The following ZNF521 variants were observed in gnomAD, a reference collection of about 807,000 sequenced individuals.
ZNF521 encodes the protein zinc finger protein 521, also known as LYST-interacting protein 3.
Under a neutral mutation model 105.5 loss-of-function variants are expected in ZNF521, and 14 were observed. The ratio of observed to expected loss-of-function variants is 0.13; its 90% CI spans 0.09 to 0.21. The LOEUF is 0.21. Among genes scored for constraint, ZNF521 ranks in the 10% least tolerant of loss-of-function variants. The pLI is 1.00. For missense variants in ZNF521, 1,233 were observed against 1,629.7 expected (o/e 0.76, Z 4.19); for synonymous variants, 635 against 606.0 (o/e 1.05, Z -0.70).
intron 2 of ZNF521, among the ~76,000 whole-genome samples, chr18:25,329,085 T>A (rs1002644617): frequency 8.5e-5 from 13 of 152,200 alleles, no homozygotes; most frequent in Admixed American, 6.5e-4. Context: ...TAACAGCCAG[T>A]TGATCAAGGC....
chr18:25,218,003 G>C (rs1485513143), intron 4 of ZNF521, among the ~76,000 whole-genome samples: 1 of 152,152 alleles, frequency 6.6e-6, no homozygotes, highest in Non-Finnish European at 1.5e-5. Context: ...GCCTCAGTAA[G>C]ACACAGAGAC....
chr18:25,095,585 G>T (rs181191152), intron 5 of ZNF521, among the ~76,000 whole-genome samples: 1 of 152,164 alleles, frequency 6.6e-6, no homozygotes, highest in Non-Finnish European at 1.5e-5. Flanking sequence ...AGCACAATTT[G>T]CCTTGTAGGG....
chr18:25,315,371 T>C (rs192988947), intron 3 of ZNF521, among the ~76,000 whole-genome samples: 30 of 152,260 alleles, frequency 2.0e-4, no homozygotes, highest in African/African-American at 7.2e-4. Flanking sequence ...TCCAGGAAAA[T>C]TGCACCATGA....
chr18:25,125,066 T>C lies in ZNF521; in HGVS notation c.3659-32985A>G, dbSNP rs115330724. Among the ~76,000 whole-genome samples, 900 of 152,204 alleles carry C rather than the reference T, an allele frequency of 5.9e-3. 8 individuals are homozygous for C. Among genetic ancestry groups the C allele is most frequent in the African/African-American group, 0.02 (848 of 41,530 alleles). On this transcript the variant is annotated intron_variant, in intron 5 of 7. Coordinates refer to ENST00000361524, the MANE Select transcript of ZNF521 (RefSeq NM_015461.3). ...ATATTATGTGTCTACTACAAGTACC[T>C]CAAAGAGTATGCATGGATCCGATAG...
chr18:25,248,686 G>A (rs1403727843), intron 3 of ZNF521, among the ~76,000 whole-genome samples: 2 of 152,142 alleles, frequency 1.3e-5, no homozygotes, highest in Non-Finnish European at 2.9e-5. Context: ...TAATAACAGT[G>A]TAAATATGTA....
intron 2 of ZNF521, among the ~76,000 whole-genome samples, chr18:25,349,990 G>A (rs928638990): frequency 6.6e-6 from 1 of 151,488 alleles, no homozygotes; most frequent in Non-Finnish European, 1.5e-5. Flanking sequence ...TCGGCCGCCC[G>A]CCCCCGATTT....
rs116142901 is a variant in ZNF521 at position 25,227,047 on chromosome 18, C to A, written c.871G>T (p.Val291Leu). 6.2e-6 allele frequency: 10 copies of A among 1,614,008 alleles called. No individual in the cohort carries two copies. In the African/African-American group the frequency reaches 1.2e-4, roughly 19 times the overall value. ...LQCVYCHELF[V>L]EETSLMNHME... ...TGGTTCATGAGGGAGGTCTCCTCTA[C>A]GAAGAGCTCGTGGCAGTAGACACAC... The change falls in exon 4 of 8, where the codon GTA becomes TTA. Residue 291 changes from valine (V) to leucine (L), a missense_variant. Physicochemically the swap from Val to Leu is conservative, Grantham distance 32. This residue lies in a region of ZNF521 where 380 missense variants were observed against 478.0 expected (regional missense o/e 0.80). Coordinates refer to ENST00000361524, the MANE Select transcript of ZNF521 (RefSeq NM_015461.3). This position sits in a 1 kb window ranked among gnomAD's most constrained non-coding sequence, Gnocchi z 5.7.
intron 3 of ZNF521, chr18:25,302,920 G>A (rs1911723512): frequency 1.3e-5 from 2 of 152,172 alleles, no homozygotes; most frequent in South Asian, 4.1e-4. Flanking sequence ...AATACAAAAT[G>A]TTACACAATA....
At chr18:25,267,687 C>T (rs575163671) in intron 3 of ZNF521, among the ~76,000 whole-genome samples, 1 of 152,226 alleles carries the variant, frequency 6.6e-6, no homozygotes, top group South Asian at 2.1e-4. Context: ...AGCAGAGGGG[C>T]CTGACTGTTA....
chr18:25,115,742 A>G (rs2034288781), intron 5 of ZNF521, among the ~76,000 whole-genome samples: 1 of 152,234 alleles, frequency 6.6e-6, no homozygotes, highest in Non-Finnish European at 1.5e-5. Context: ...CAAAAAAGTC[A>G]TTCAGTGATG....
intron 4 of ZNF521, chr18:25,201,545 CT>C (rs1312958440): frequency 6.6e-6 from 1 of 152,122 alleles, no homozygotes; most frequent in Non-Finnish European, 1.5e-5. Context: ...GTTTTTCTAT[CT>C]TTATATTTTA....
intron 2 of ZNF521, among the ~76,000 whole-genome samples, chr18:25,325,171 G>C (rs1000758596): frequency 6.6e-6 from 1 of 152,072 alleles, no homozygotes; most frequent in Non-Finnish European, 1.5e-5. Flanking sequence ...GATTTTTCCA[G>C]CCTCTACTTT....
intron 2 of ZNF521, among the ~76,000 whole-genome samples, chr18:25,342,828 C>G (rs912794782): frequency 6.6e-6 from 1 of 151,902 alleles, no homozygotes; most frequent in Non-Finnish European, 1.5e-5. Flanking sequence ...ACTAAGACAA[C>G]CTAAATCATT....
At chr18:25,203,139 A>G (rs2036020575) in intron 4 of ZNF521, among the ~76,000 whole-genome samples, 1 of 152,206 alleles carries the variant, frequency 6.6e-6, no homozygotes, top group Non-Finnish European at 1.5e-5. Context: ...TGTTTTAAGT[A>G]TTTTGCCTAA....
chr18:25,204,873 T>C (rs186722097), intron 4 of ZNF521, among the ~76,000 whole-genome samples: 10 of 152,228 alleles, frequency 6.6e-5, no homozygotes, highest in African/African-American at 2.4e-4. Flanking sequence ...TGGTTTCAGT[T>C]GCTGTTTATT....
intron 5 of ZNF521, among the ~76,000 whole-genome samples, chr18:25,128,238 C>CA (rs951294730): frequency 6.6e-6 from 1 of 151,392 alleles, no homozygotes; most frequent in Non-Finnish European, 1.5e-5. Context: ...TCAACAGATA[C>CA]AAAAAAAGAA....
At chr18:25,346,501 T>C (rs1193225253) in intron 2 of ZNF521, among the ~76,000 whole-genome samples, 1 of 152,208 alleles carries the variant, frequency 6.6e-6, no homozygotes, top group Non-Finnish European at 1.5e-5. Context: ...TTTCTTACTT[T>C]CAAAAGGTTT....
intron 5 of ZNF521, among the ~76,000 whole-genome samples, chr18:25,099,277 A>G (rs544011449): frequency 6.6e-6 from 1 of 152,228 alleles, no homozygotes; most frequent in South Asian, 2.1e-4. Flanking sequence ...AACAATATCT[A>G]TTGTTTGTCA....
chr18:25,224,782 T>C lies in ZNF521; in HGVS notation c.3136A>G (p.Thr1046Ala). ...GTCTGAACTGCAGACCCATTCCCTG[T>C]CTTTTGCATGTGGAACGTCCCATGG... ...KIHGTFHMQKTGNGSAVQTTG... is the reference protein window; with the variant it reads ...KIHGTFHMQKAGNGSAVQTTG... Residue 1046 changes from threonine to alanine, a missense_variant, in exon 4 of 8, where the codon ACA becomes GCA. Transcript: ENST00000361524. 6.2e-7 allele frequency: 1 copy of C among 1,614,026 alleles called. No individual in the cohort carries two copies. The highest frequency in any genetic ancestry group is 8.5e-7 in the Non-Finnish European group (1 of 1,180,002).
Sources: allele counts gnomAD v4.1 joint callset (sites outside exome capture counted in the v4.1 genomes callset), GRCh38; gene constraint gnomAD v4.1.1; regional missense constraint gnomAD v4.1.1; non-coding constraint Gnocchi (gnomAD v3.1); transcripts MANE v1.5; gene names NCBI Gene and HGNC (gene_info 2026-07-23, HGNC 2026-07-21).